Variants in CPLANE1 observed in about 807,000 individuals in gnomAD.
The protein encoded by CPLANE1 is ciliogenesis and planar polarity effector complex subunit 1.
Under a neutral mutation model 362.5 loss-of-function variants are expected in CPLANE1, and 263 were observed. The ratio of observed to expected loss-of-function variants is 0.73; its 90% CI spans 0.66 to 0.80. CPLANE1 has a LOEUF of 0.80. Ranked by LOEUF, CPLANE1 falls within the 30% of genes least tolerant of loss-of-function variation. The pLI is 0.00. For synonymous variants in CPLANE1, 1,212 were observed against 1,302.6 expected, an observed-to-expected ratio of 0.93 and a Z score of 1.50; for missense variants, 3,461 against 3,793.4, an observed-to-expected ratio of 0.91 and a Z score of 2.30.
rs758567108 is a variant in CPLANE1, at chr5:37,185,021, C to T, written c.4248G>A (p.Val1416=). The change falls in exon 25 of 53, where the codon GTG becomes GTA. Residue 1416 remains valine (V), a synonymous_variant. Coordinates refer to ENST00000651892, the MANE Select transcript of CPLANE1 (RefSeq NM_001384732.1). ...TTCTCTGCACACGTTTTAGAGCTTT[C>T]ACCCTCACTTTCTGGATAGAATGCA... is the stretch of plus-strand genomic sequence containing the variant. The part of the protein sequence containing the change: ...VVMHSIQKVR[V]KALKRVQRNI... 1.1e-5 allele frequency: 17 copies of T among 1,613,956 alleles called. No homozygotes were observed. The highest frequency in any genetic ancestry group is 1.6e-4 in the Middle Eastern group (1 of 6,084).
intron 16 of CPLANE1, chr5:37,211,414 C>T (rs1792559001): frequency 6.6e-7 from 1 of 1,515,740 alleles, no homozygotes; most frequent in Non-Finnish European, 8.8e-7. Context: ...AACATTACTT[C>T]CAGTTCCCCG....
chr5:37,241,417 C>T (rs2150735796), intron 6 of CPLANE1, among the ~76,000 whole-genome samples: 1 of 152,098 alleles, frequency 6.6e-6, no homozygotes, highest in Admixed American at 6.5e-5. Context: ...ATTGCACCAC[C>T]ACACTCCAAC....
At chr5:37,236,931 G>T (rs992385391) in intron 8 of CPLANE1, among the ~76,000 whole-genome samples, 4 of 152,178 alleles carry the variant, frequency 2.6e-5, no homozygotes, top group African/African-American at 9.7e-5. Context: ...CAAGTATGCA[G>T]AGGAAAGGGA....
In CPLANE1 at chr5:37,151,100, T is replaced by C. The variant is rs530183621; in HGVS notation, c.8373+2640A>G. Among the ~76,000 whole-genome samples, 6 of 152,324 alleles carry C rather than the reference T, an allele frequency of 3.9e-5. 1 individual carries two copies. In the Middle Eastern group the frequency reaches 0.021, roughly 522 times the overall value. Reference sequence around the variant, plus strand: ...CCCAATCGCTTGACATGGTAAATGCTTTCTGTTCCTCCTTGTCTCCCCTCT... The same window carrying C: ...CCCAATCGCTTGACATGGTAAATGCCTTCTGTTCCTCCTTGTCTCCCCTCT... On this transcript the variant is annotated intron_variant, in intron 42 of 52. Coordinates refer to ENST00000651892, the MANE Select transcript of CPLANE1 (RefSeq NM_001384732.1).
At chr5:37,088,181 T>TA in the CPLANE1 span, among the ~76,000 whole-genome samples, 1 of 152,214 alleles carries the variant, frequency 6.6e-6, no homozygotes, top group Non-Finnish European at 1.5e-5. Context: ...TTGTTGAGTT[T>TA]ATCAATCGGT....
intron 33 of CPLANE1, 81 bp from the exon 34 acceptor site, chr5:37,169,642 G>T: frequency 8.1e-7 from 1 of 1,234,982 alleles, no homozygotes; most frequent in African/African-American, 1.5e-5. Flanking sequence ...AGTATGTTTT[G>T]CAGTGGGTAG....
chr5:37,139,405 GTT>G, intron 44 of CPLANE1, 35 bp from the exon 45 acceptor site: 1 of 1,091,176 alleles, frequency 9.2e-7, no homozygotes, highest in African/African-American at 1.7e-5. Context: ...AAAATTTTGG[GTT>G]TTTTTTTGCT....
At position 37,224,581 on chromosome 5, in the gene CPLANE1, C is replaced by T; in HGVS notation, c.2451G>A (p.Gln817=). The change falls in exon 13 of 53, where the codon CAG becomes CAA. Residue 817 remains glutamine, a synonymous_variant. Transcript: ENST00000651892. ...SLLCHLQANL[Q]STGDCLNQTL... ...TTTGATTCAAGCAATCTCCAGTACTCTGTAGGTTAGCCTGCAAATGACATA... is the reference window on the plus strand; with the variant it reads ...TTTGATTCAAGCAATCTCCAGTACTTTGTAGGTTAGCCTGCAAATGACATA... 1 of 1,551,488 alleles carries T rather than the reference C, an allele frequency of 6.4e-7. No homozygotes were observed. Among genetic ancestry groups the T allele is most frequent in the African/African-American group, 1.4e-5 (1 of 73,152 alleles).
chr5:37,140,407 G>A (rs1769309776), intron 44 of CPLANE1: 1 of 984,418 alleles, frequency 1.0e-6, no homozygotes, highest in African/African-American at 1.7e-5. Context: ...CTCAGAATCT[G>A]GGCATTTGTG....
rs181431765 is a variant in CPLANE1 at position 37,153,694 on chromosome 5, T to C, written c.8373+46A>G. The C allele has an allele frequency of 5.9e-4, 927 of 1,558,168 alleles. 6 individuals are homozygous for C. In the African/African-American group the frequency reaches 0.012, roughly 20 times the overall value. ...CCAAAGTTATATCACACTACAAATC[T>C]AATAATTCAGTAGCAAACAAAAAAC... On this transcript the variant is annotated intron_variant, in intron 42 of 52. Transcript: ENST00000651892.
chr5:37,219,619 T>C (rs1231684775), intron 15 of CPLANE1, among the ~76,000 whole-genome samples: 1 of 152,208 alleles, frequency 6.6e-6, no homozygotes, highest in Non-Finnish European at 1.5e-5. Flanking sequence ...TCTCGGAATT[T>C]ATCTTAGAGA....
intron 38 of CPLANE1, among the ~76,000 whole-genome samples, chr5:37,160,718 C>T (rs1776625163): frequency 1.4e-5 from 2 of 146,192 alleles, no homozygotes; most frequent in South Asian, 4.3e-4. Context: ...GTCGCCCAGG[C>T]TGGAGTGCAG....
chr5:37,244,007 C>T (rs1738630568), intron 5 of CPLANE1, among the ~76,000 whole-genome samples: 1 of 151,744 alleles, frequency 6.6e-6, no homozygotes, highest in African/African-American at 2.4e-5. Context: ...TGTGCCACCA[C>T]GCCCAGATAA....
chr5:37,121,200 C>T (rs1349717994), intron 49 of CPLANE1, among the ~76,000 whole-genome samples: 1 of 152,024 alleles, frequency 6.6e-6, no homozygotes, highest in Non-Finnish European at 1.5e-5. Flanking sequence ...CATAACTGGG[C>T]AGGTCTGGGG....
At chr5:37,191,707 C>G (rs78754499) in intron 21 of CPLANE1, among the ~76,000 whole-genome samples, 1 of 152,012 alleles carries the variant, frequency 6.6e-6, no homozygotes, top group African/African-American at 2.4e-5. Context: ...CAGTGGCTTA[C>G]GCCTGTAGTC....
At chr5:37,164,520 C>T (rs1267836026) in intron 36 of CPLANE1, among the ~76,000 whole-genome samples, 193 bp from the exon 37 acceptor site, 2 of 152,166 alleles carry the variant, frequency 1.3e-5, no homozygotes, top group Middle Eastern at 3.4e-3. Flanking sequence ...AATACATAAG[C>T]CAAACAATAA....
Position 37,183,014 on chromosome 5 carries a change from G to A in CPLANE1, c.5167C>T (p.Gln1723Ter), listed in dbSNP as rs769127057. The change falls in exon 26 of 53, where the codon CAG (glutamine) becomes TAG (stop). Residue 1723 changes from glutamine (Q) to a stop codon, truncating the protein, a stop_gained. Coordinates refer to ENST00000651892, the MANE Select transcript of CPLANE1 (RefSeq NM_001384732.1). LOFTEE classifies it high-confidence loss of function. ...TCTTGAGGGTTAATATCATTGCACT[G>A]AATAGCTTTGAAAATACATCTTCTA... ...KTRRCIFKAI[Q>*]CNDINPQEDL... is the part of the protein sequence containing the mutation. 5 of 1,613,144 alleles carry A rather than the reference G, an allele frequency of 3.1e-6. No individual in the cohort carries two copies. The African/African-American group carries it at 6.7e-5, about 22-fold the overall frequency.
chr5:37,213,452 T>C, intron 16 of CPLANE1, 107 bp downstream of exon 16: 1 of 638,192 alleles, frequency 1.6e-6, no homozygotes, highest in Non-Finnish European at 2.3e-6. Context: ...TTTCAGATAC[T>C]ATGCTAGAAC....
intron 50 of CPLANE1, 133 bp from the exon 51 acceptor site, chr5:37,115,182 GC>G (rs2149988279): frequency 7.8e-6 from 5 of 637,964 alleles, no homozygotes; most frequent in Non-Finnish European, 1.4e-5. Context: ...CACAGTAGGG[GC>G]CCAGTAAATG....
Sources: gnomAD v4.1 joint callset for allele counts (sites outside exome capture counted in the v4.1 genomes callset) on GRCh38, gnomAD v4.1.1 for gene constraint, MANE v1.5 for transcripts, NCBI Gene and HGNC (gene_info 2026-07-23, HGNC 2026-07-21) for gene names.